Variants in SSBP2 observed in about 807,000 individuals in gnomAD.
SSBP2 encodes the protein single-stranded DNA-binding protein 2.
SSBP2 carries 17 observed loss-of-function variants against 61.8 expected under a neutral mutation model. The ratio of observed to expected loss-of-function variants is 0.28; its 90% CI spans 0.19 to 0.41. SSBP2 has a LOEUF of 0.41. SSBP2 is among the 10% of genes least tolerant of loss of function. The probability of loss-of-function intolerance (pLI) is 1.00; values close to 1 mark genes in which losing one functional copy is unlikely to be tolerated. For missense variants in SSBP2, 310 were observed against 458.7 expected (o/e 0.68, Z 2.96); for synonymous variants, 139 against 141.3 (o/e 0.98, Z 0.12).
intron 5 of SSBP2, among the ~76,000 whole-genome samples, chr5:81,513,408 G>A (rs1056521363): frequency 6.6e-6 from 1 of 151,696 alleles, no homozygotes; most frequent in Admixed American, 6.6e-5. Context: ...TTTCTTAATT[G>A]AGCAACAAAA....
intron 6 of SSBP2, among the ~76,000 whole-genome samples, chr5:81,481,046 G>A (rs865983411): frequency 6.6e-6 from 1 of 152,108 alleles, no homozygotes; most frequent in East Asian, 1.9e-4. Flanking sequence ...ACATCTTCAG[G>A]CTTCACTTCT....
rs201871495 is a variant in SSBP2, at chr5:81,741,046, CAAAATAGTT to C, written c.62+9926_62+9934del. Among the ~76,000 whole-genome samples, 790 of 152,262 alleles carry C rather than the reference CAAAATAGTT, an allele frequency of 5.2e-3. 8 individuals are homozygous for C. The highest frequency in any genetic ancestry group is 0.018 in the African/African-American group (759 of 41,532). On this transcript the variant is annotated intron_variant, in intron 1 of 16. Transcript: ENST00000320672. Reference sequence around the variant, plus strand: ...TGTTAAGCGATGAAACACACTGAGTCAAAATAGTTAAAATGGGCAGTGCAGTCAGAAACC... The same window carrying C: ...TGTTAAGCGATGAAACACACTGAGTCAAAATGGGCAGTGCAGTCAGAAACC...
At chr5:81,701,144 C>T (rs1753956192) in intron 1 of SSBP2, among the ~76,000 whole-genome samples, 1 of 152,188 alleles carries the variant, frequency 6.6e-6, no homozygotes, top group South Asian at 2.1e-4. Context: ...TTCTTCCTTT[C>T]ACTTGAACAC....
At chr5:81,470,251 G>A (rs2154019179) in intron 8 of SSBP2, among the ~76,000 whole-genome samples, 1 of 151,822 alleles carries the variant, frequency 6.6e-6, no homozygotes, top group East Asian at 1.9e-4. Flanking sequence ...AAAAACACAG[G>A]TTAGCTAAGT....
At chr5:81,485,319 A>T (rs1440648617) in intron 6 of SSBP2, among the ~76,000 whole-genome samples, 2 of 152,098 alleles carry the variant, frequency 1.3e-5, no homozygotes, top group African/African-American at 4.8e-5. Context: ...AGACATTATT[A>T]CCCCTTCCTA....
intron 1 of SSBP2, among the ~76,000 whole-genome samples, chr5:81,690,796 A>G (rs1753145546): frequency 6.6e-6 from 1 of 152,096 alleles, no homozygotes; most frequent in East Asian, 1.9e-4. Flanking sequence ...TGGATCATTC[A>G]AAACAGACCA....
At chr5:81,508,510 C>CA (rs1272758488) in intron 5 of SSBP2, among the ~76,000 whole-genome samples, 1 of 152,092 alleles carries the variant, frequency 6.6e-6, no homozygotes, top group Non-Finnish European at 1.5e-5. Context: ...TCTCTCATTT[C>CA]AATAAAAACA....
chr5:81,654,329 C>T (rs1447047500), intron 1 of SSBP2, among the ~76,000 whole-genome samples: 4 of 152,118 alleles, frequency 2.6e-5, no homozygotes, highest in Non-Finnish European at 5.9e-5. Context: ...TTCACCTTCT[C>T]CATCTGTTTT....
At chr5:81,659,441 T>C (rs572067042) in intron 1 of SSBP2, among the ~76,000 whole-genome samples, 2 of 152,184 alleles carry the variant, frequency 1.3e-5, no homozygotes, top group East Asian at 3.9e-4. Flanking sequence ...ATAAAATACC[T>C]AGGAATACAA....
At chr5:81,598,971 T>A (rs1398886134) in intron 4 of SSBP2, among the ~76,000 whole-genome samples, 3 of 152,234 alleles carry the variant, frequency 2.0e-5, no homozygotes, top group African/African-American at 4.8e-5. Flanking sequence ...GCAAAAAATC[T>A]GACTCTGCCT....
At chr5:81,565,905 T>C (rs1773385598) in intron 4 of SSBP2, among the ~76,000 whole-genome samples, 1 of 152,182 alleles carries the variant, frequency 6.6e-6, no homozygotes, top group Non-Finnish European at 1.5e-5. Flanking sequence ...CTGGCTAACA[T>C]GGAGACCTCA....
At chr5:81,472,702 C>A (rs530429287) in intron 8 of SSBP2, among the ~76,000 whole-genome samples, 89 of 152,172 alleles carry the variant, frequency 5.8e-4, no homozygotes, top group South Asian at 1.0e-3. Flanking sequence ...CAGGTTTAAG[C>A]GATTCTTCTG....
chr5:81,744,047 T>A (rs921822704), intron 1 of SSBP2, among the ~76,000 whole-genome samples: 1 of 152,186 alleles, frequency 6.6e-6, no homozygotes, highest in Non-Finnish European at 1.5e-5. Context: ...GCCTGTTTCT[T>A]CCATAACATT....
chr5:81,624,741 G>A (rs1401256021), intron 3 of SSBP2, among the ~76,000 whole-genome samples: 1 of 152,124 alleles, frequency 6.6e-6, no homozygotes, highest in African/African-American at 2.4e-5. Flanking sequence ...GGTTTTGTGA[G>A]CTAGTAGACA....
chr5:81,492,650 G>A lies in SSBP2; in HGVS notation c.373-3341C>T, dbSNP rs116043225. ...GAAGGTATCATGATGGTGAATCAGT[G>A]TTTTAACTGGAAAAAAGCCTTCCCC... is the stretch of plus-strand genomic sequence containing the variant. On this transcript the variant is annotated intron_variant, in intron 5 of 16. Transcript: ENST00000320672. Among the ~76,000 whole-genome samples the A allele has an allele frequency of 8.4e-3, 1,269 of 151,768 alleles. 12 individuals are homozygous for A. The highest frequency in any genetic ancestry group is 0.029 in the African/African-American group (1,182 of 41,388).
At chr5:81,718,930 GC>G in intron 1 of SSBP2, among the ~76,000 whole-genome samples, 1 of 152,268 alleles carries the variant, frequency 6.6e-6, no homozygotes, top group South Asian at 2.1e-4. Flanking sequence ...TCCAGATATT[GC>G]TATGAACCTC....
chr5:81,701,089 G>A (rs893344917), intron 1 of SSBP2, among the ~76,000 whole-genome samples: 5 of 152,152 alleles, frequency 3.3e-5, no homozygotes, highest in African/African-American at 1.2e-4. Context: ...TTCTTCATTA[G>A]GCTTAATCGT....
At chr5:81,552,677 A>C (rs1289083018) in intron 4 of SSBP2, among the ~76,000 whole-genome samples, 1 of 151,626 alleles carries the variant, frequency 6.6e-6, no homozygotes, top group Non-Finnish European at 1.5e-5. Flanking sequence ...AAAAAAAAAA[A>C]CCCAAAGTAA....
chr5:81,697,709 C>A (rs1158724998), intron 1 of SSBP2, among the ~76,000 whole-genome samples: 1 of 152,124 alleles, frequency 6.6e-6, no homozygotes, highest in Non-Finnish European at 1.5e-5. Flanking sequence ...GCTCTGCTAT[C>A]TAATTTTCTG....
Sources: gnomAD v4.1 joint callset for allele counts (sites outside exome capture counted in the v4.1 genomes callset) on GRCh38, gnomAD v4.1.1 for gene constraint, MANE v1.5 for transcripts, NCBI Gene and HGNC (gene_info 2026-07-23, HGNC 2026-07-21) for gene names.